BNIP3L: variants seen among roughly 807,000 people sequenced by gnomAD.
BNIP3L encodes BCL2 interacting protein 3 like.
In BNIP3L, 10 loss-of-function variants were observed where a neutral mutation model predicts 25.5. The ratio of observed to expected loss-of-function variants is 0.39; its 90% confidence interval spans 0.24 to 0.67. The LOEUF (loss-of-function observed/expected upper bound fraction) is 0.67, where lower values mean the gene tolerates loss of function less well. BNIP3L is among the 30% of genes least tolerant of loss of function. BNIP3L has a pLI of 0.45. For missense variants in BNIP3L, 215 were observed against 270.9 expected, an observed-to-expected ratio of 0.79 and a Z score of 1.45; for synonymous variants, 113 against 101.2, an observed-to-expected ratio of 1.12 and a Z score of -0.70.
At position 26,383,056 on chromosome 8, in the gene BNIP3L, A is replaced by T; in HGVS notation, c.-75A>T. The T allele has an allele frequency of 7.2e-7, 1 of 1,384,716 alleles. No individual in the cohort carries two copies. The highest frequency in any genetic ancestry group is 9.9e-7 in the Non-Finnish European group (1 of 1,006,940). 85.8% of individuals were successfully genotyped at this position (1,384,716 alleles called of 1,614,324 possible). A position where few individuals can be genotyped will look rare whatever the true frequency, so the allele number is the denominator to read the frequency against. ...GCAGGCGCAGAAAAGGGGGCGGCGGACTCGGCTTGTTGTGTTGCTGCCTGA... is the reference window on the plus strand; with the variant it reads ...GCAGGCGCAGAAAAGGGGGCGGCGGTCTCGGCTTGTTGTGTTGCTGCCTGA... On this transcript the variant is annotated 5_prime_UTR_variant, in exon 1 of 6. Transcript: ENST00000380629.
At chr8:26,383,436 T>C (rs1373549156) in intron 1 of BNIP3L, 85 of 1,365,790 alleles carry the variant, frequency 6.2e-5, no homozygotes, top group Non-Finnish European at 7.7e-5. Flanking sequence ...CCTGGGGTCT[T>C]GGGCCCGGGG....
intron 1 of BNIP3L, among the ~76,000 whole-genome samples, chr8:26,390,074 T>C (rs1806070944): frequency 6.6e-6 from 1 of 152,192 alleles, no homozygotes; most frequent in African/African-American, 2.4e-5. Flanking sequence ...CTTTTTGCTG[T>C]GAAGTTAAGT....
At chr8:26,402,854 G>A (rs769455637) in intron 3 of BNIP3L, among the ~76,000 whole-genome samples, 1 of 152,118 alleles carries the variant, frequency 6.6e-6, no homozygotes, top group African/African-American at 2.4e-5. Context: ...CTCTGCATAC[G>A]TTTTTCCCTT....
At chr8:26,406,763 A>T (rs1489320570) in intron 3 of BNIP3L, among the ~76,000 whole-genome samples, 1 of 151,774 alleles carries the variant, frequency 6.6e-6, no homozygotes, top group African/African-American at 2.4e-5. Context: ...TCGAGGCTGC[A>T]GTAAGCTGTG....
At position 26,410,500 on chromosome 8, in the gene BNIP3L, C is replaced by G. The variant is rs1806598457; in HGVS notation, c.*88C>G. 6.8e-7 allele frequency: 1 copy of G among 1,460,632 alleles called. No individual in the cohort carries two copies. Among genetic ancestry groups the G allele is most frequent in the East Asian group, 2.3e-5 (1 of 44,054 alleles). The allele number at this position is 1,460,632 out of a possible 1,614,324, so 90.5% of individuals were successfully genotyped here. A position where few individuals can be genotyped will look rare whatever the true frequency, so the allele number is the denominator to read the frequency against. On this transcript the variant is annotated 3_prime_UTR_variant, in exon 6 of 6. Transcript: ENST00000380629. Reference sequence around the variant, plus strand: ...TATTTGAACTTGAGACCATTGTAAGCATGACCCAACCTACCACCCTGTTTT... The same window carrying G: ...TATTTGAACTTGAGACCATTGTAAGGATGACCCAACCTACCACCCTGTTTT...
intron 1 of BNIP3L, chr8:26,390,390 A>G (rs1806076711): frequency 2.0e-6 from 2 of 985,448 alleles, no homozygotes; most frequent in Non-Finnish European, 2.4e-6. Flanking sequence ...CTTTTTGTCC[A>G]AGAAAACTTT....
At position 26,408,352 on chromosome 8, in the gene BNIP3L, C is replaced by G; in HGVS notation, c.587C>G (p.Ser196Cys). The change falls in exon 5 of 6, where the codon TCT becomes TGT. Residue 196 changes from serine to cysteine, a missense_variant. Physicochemically the swap from Ser to Cys is moderately radical, Grantham distance 112. This residue lies in a region of BNIP3L where 63 missense variants were observed against 98.8 expected (regional missense o/e 0.64). Coordinates refer to ENST00000380629, the MANE Select transcript of BNIP3L (RefSeq NM_004331.3). The stretch of plus-strand genomic sequence containing the variant: ...GTGTTCATTCCATCTCTCTTCCTTT[C>G]TCATGTTTTGGCTTTGGGGCTAGGG... The part of the protein sequence containing the change: ...LKVFIPSLFL[S>C]HVLALGLGIY... 6.2e-7 allele frequency: 1 copy of G among 1,614,182 alleles called. No homozygotes were observed. The highest frequency in any genetic ancestry group is 8.5e-7 in the Non-Finnish European group (1 of 1,180,034).
At chr8:26,407,874 T>G in intron 3 of BNIP3L, 126 bp from the exon 4 acceptor site, 1 of 776,722 alleles carries the variant, frequency 1.3e-6, no homozygotes, top group Non-Finnish European at 2.1e-6. Context: ...AAAAGCAACA[T>G]GTTTGTTATC....
Position 26,400,256 on chromosome 8 carries a change from C to T in BNIP3L, c.357+4954C>T, listed in dbSNP as rs940595882. 7.3e-5 allele frequency among the ~76,000 whole-genome samples: 11 copies of T among 151,470 alleles called. No homozygotes were observed. The East Asian group carries it at 9.7e-4, about 13-fold the overall frequency. On this transcript the variant is annotated intron_variant, in intron 3 of 5. Transcript: ENST00000380629. ...AACAGAACAGAGCCCTCAGAAATAA[C>T]GCCGCTTACCTACAACTATCTGATC...
chr8:26,405,148 G>A lies in BNIP3L; in HGVS notation c.358-2852G>A, dbSNP rs76211995. Among the ~76,000 whole-genome samples, 414 of 152,118 alleles carry A rather than the reference G, an allele frequency of 2.7e-3. 2 individuals are homozygous for A. Among genetic ancestry groups the A allele is most frequent in the African/African-American group, 9.5e-3 (394 of 41,514 alleles). On this transcript the variant is annotated intron_variant, in intron 3 of 5. Transcript: ENST00000380629. Reference sequence around the variant, plus strand: ...TCCTCATGAAAAAAAAAATTAGAGCGTGAAATCTTACTGCGTTTCATTCTG... The same window carrying A: ...TCCTCATGAAAAAAAAAATTAGAGCATGAAATCTTACTGCGTTTCATTCTG...
intron 1 of BNIP3L, among the ~76,000 whole-genome samples, chr8:26,384,727 A>ATTTTT (rs10598657): frequency 3.1e-5 from 3 of 97,146 alleles, no homozygotes; most frequent in Admixed American, 1.1e-4. Flanking sequence ...TTTTGAGGAC[A>ATTTTT]TTTTTTTTTT....
chr8:26,399,045 G>A (rs912100242), intron 3 of BNIP3L, among the ~76,000 whole-genome samples: 10 of 151,346 alleles, frequency 6.6e-5, no homozygotes, highest in African/African-American at 2.4e-4. Context: ...GAAAAAGAGG[G>A]AATCCTCTGT....
At chr8:26,392,294 G>T (rs1806131689) in intron 2 of BNIP3L, among the ~76,000 whole-genome samples, 1 of 151,190 alleles carries the variant, frequency 6.6e-6, no homozygotes. Flanking sequence ...GTTGTTAACT[G>T]ATGTTAACCA....
At chr8:26,410,299 C>T in intron 5 of BNIP3L, 65 bp from the exon 6 acceptor site, 3 of 1,585,796 alleles carry the variant, frequency 1.9e-6, no homozygotes, top group Non-Finnish European at 2.6e-6. Flanking sequence ...TAGAGTTCAA[C>T]CTGTGGACAA....
At chr8:26,385,843 T>C (rs551560443) in intron 1 of BNIP3L, among the ~76,000 whole-genome samples, 13 of 152,328 alleles carry the variant, frequency 8.5e-5, no homozygotes, top group African/African-American at 3.1e-4. Flanking sequence ...AGCTTTTAGA[T>C]ATTGCCATAT....
rs1161528125 is a variant in BNIP3L at position 26,408,196 on chromosome 8, A to G, written c.462-31A>G. ...GGTAATCCCCACGATATTTTCAGCA[A>G]ATGACATCTGCCTCTGAATTTCTTT... On this transcript the variant is annotated intron_variant, in intron 4 of 5. Coordinates refer to ENST00000380629, the MANE Select transcript of BNIP3L (RefSeq NM_004331.3). 3.5e-5 allele frequency: 56 copies of G among 1,612,264 alleles called. 1 individual carries two copies. Among genetic ancestry groups the G allele is most frequent in the Middle Eastern group, 1.7e-4 (1 of 6,054 alleles).
intron 1 of BNIP3L, among the ~76,000 whole-genome samples, chr8:26,391,006 G>A (rs1485572444): frequency 6.6e-6 from 1 of 152,114 alleles, no homozygotes; most frequent in African/African-American, 2.4e-5. Flanking sequence ...TGAAAAACAC[G>A]TTTTCTGAGA....
At chr8:26,403,531 C>T (rs199625073) in intron 3 of BNIP3L, among the ~76,000 whole-genome samples, 3 of 124,242 alleles carry the variant, frequency 2.4e-5, no homozygotes, top group Non-Finnish European at 5.2e-5. Flanking sequence ...TACTCAGTTT[C>T]TTTTTTTTTT....
chr8:26,408,474 T>G (rs1347171900), intron 5 of BNIP3L, 98 bp downstream of exon 5: 1 of 1,373,180 alleles, frequency 7.3e-7, no homozygotes, highest in Non-Finnish European at 1.0e-6. Flanking sequence ...ATTGCTTTAC[T>G]TTCAATGTTT....
Sources: gnomAD v4.1 joint callset for allele counts (sites outside exome capture counted in the v4.1 genomes callset) on GRCh38, gnomAD v4.1.1 for gene constraint, gnomAD v4.1.1 regional missense constraint, MANE v1.5 for transcripts, NCBI Gene and HGNC (gene_info 2026-07-23, HGNC 2026-07-21) for gene names.